ARHGEF28: variants seen among roughly 807,000 people sequenced by gnomAD.
The protein encoded by ARHGEF28 is 190 kDa guanine nucleotide exchange factor.
Under a neutral mutation model 206.6 loss-of-function variants are expected in ARHGEF28, and 152 were observed. The ratio of observed to expected loss-of-function variants is 0.74; its 90% CI spans 0.64 to 0.84. The LOEUF is 0.84. Ranked by LOEUF, ARHGEF28 falls within the 40% of genes least tolerant of loss-of-function variation. The probability of loss-of-function intolerance (pLI) is 0.00; values close to 1 mark genes in which losing one functional copy is unlikely to be tolerated. For synonymous variants in ARHGEF28, 763 were observed against 776.4 expected (o/e 0.98, Z 0.29); for missense variants, 2,028 against 2,073.2 (o/e 0.98, Z 0.42).
intron 28 of ARHGEF28, among the ~76,000 whole-genome samples, 177 bp from the exon 29 acceptor site, chr5:73,894,216 C>T (rs1761820300): frequency 6.6e-6 from 1 of 152,106 alleles, no homozygotes; most frequent in African/African-American, 2.4e-5. Context: ...TGCTGGAGGC[C>T]ACAGTCACTA....
At chr5:73,653,485 G>A (rs1296179486) in intron 1 of ARHGEF28, among the ~76,000 whole-genome samples, 1 of 152,124 alleles carries the variant, frequency 6.6e-6, no homozygotes, top group Non-Finnish European at 1.5e-5. Context: ...TCTTAACTTC[G>A]GGATGGAGAT....
chr5:73,807,402 C>G (rs1410293425), intron 9 of ARHGEF28, among the ~76,000 whole-genome samples: 2 of 151,880 alleles, frequency 1.3e-5, no homozygotes, highest in African/African-American at 4.8e-5. Context: ...TGTTGTTTGT[C>G]TGTTATTTTT....
intron 14 of ARHGEF28, among the ~76,000 whole-genome samples, chr5:73,854,526 C>G (rs1758895446): frequency 6.6e-6 from 1 of 152,120 alleles, no homozygotes; most frequent in Non-Finnish European, 1.5e-5. Context: ...ATCTGCATAG[C>G]AGGAACTTCT....
chr5:73,678,956 A>T (rs1271458696), intron 1 of ARHGEF28, among the ~76,000 whole-genome samples: 1 of 152,204 alleles, frequency 6.6e-6, no homozygotes, highest in Admixed American at 6.5e-5. Flanking sequence ...TGGCACGATC[A>T]TACCTCACTG....
At chr5:73,784,860 T>G (rs1754063661) in intron 7 of ARHGEF28, among the ~76,000 whole-genome samples, 1 of 152,218 alleles carries the variant, frequency 6.6e-6, no homozygotes, top group African/African-American at 2.4e-5. Context: ...ACTCTTGTGC[T>G]TTGGGGTCAT....
intron 2 of ARHGEF28, among the ~76,000 whole-genome samples, chr5:73,706,288 G>C (rs1748924379): frequency 1.3e-5 from 2 of 151,204 alleles, no homozygotes; most frequent in Admixed American, 1.3e-4. Flanking sequence ...AGGTTGCAGT[G>C]AGCCGAGATC....
chr5:73,685,357 A>G (rs1187109366), intron 2 of ARHGEF28, among the ~76,000 whole-genome samples: 1 of 152,142 alleles, frequency 6.6e-6, no homozygotes, highest in African/African-American at 2.4e-5. Flanking sequence ...TTGTACTTAG[A>G]TGTGCCATCT....
chr5:73,766,440 G>A (rs1438688022), intron 4 of ARHGEF28, among the ~76,000 whole-genome samples: 1 of 152,074 alleles, frequency 6.6e-6, no homozygotes, highest in Non-Finnish European at 1.5e-5. Flanking sequence ...AACTCTTTTT[G>A]TTGTTCTTTG....
chr5:73,781,719 G>A (rs971709162), intron 7 of ARHGEF28, among the ~76,000 whole-genome samples: 2 of 152,128 alleles, frequency 1.3e-5, no homozygotes, highest in African/African-American at 4.8e-5. Flanking sequence ...GGTATTTAGG[G>A]TAAAGGTTTT....
intron 1 of ARHGEF28, among the ~76,000 whole-genome samples, chr5:73,641,580 T>G (rs766731362): frequency 2.0e-5 from 3 of 152,194 alleles, no homozygotes; most frequent in Non-Finnish European, 2.9e-5. Flanking sequence ...TATGGCTTTT[T>G]AATATATTTT....
At chr5:73,921,661 A>G (rs1362413300) in intron 35 of ARHGEF28, among the ~76,000 whole-genome samples, 1 of 152,196 alleles carries the variant, frequency 6.6e-6, no homozygotes, top group Non-Finnish European at 1.5e-5. Flanking sequence ...CTCTTTTTGT[A>G]CAAGTTTTAT....
chr5:73,832,489 T>G, intron 10 of ARHGEF28, 30 bp downstream of exon 10: 1 of 1,601,724 alleles, frequency 6.2e-7, no homozygotes, highest in Non-Finnish European at 8.5e-7. Flanking sequence ...ACAGGATGAT[T>G]TCTACCTCTC....
intron 9 of ARHGEF28, among the ~76,000 whole-genome samples, chr5:73,810,096 G>A (rs1467298152): frequency 1.3e-5 from 2 of 152,168 alleles, no homozygotes; most frequent in African/African-American, 2.4e-5. Context: ...GAGCAAGGAG[G>A]TAAGCTGGCC....
chr5:73,935,387 T>C (rs903176269), intron 35 of ARHGEF28, among the ~76,000 whole-genome samples: 1 of 152,154 alleles, frequency 6.6e-6, no homozygotes, highest in Non-Finnish European at 1.5e-5. Context: ...AGATATAAAC[T>C]CCAGACTGGT....
At chr5:73,876,742 G>A (rs1478583782) in intron 22 of ARHGEF28, among the ~76,000 whole-genome samples, 1 of 150,652 alleles carries the variant, frequency 6.6e-6, no homozygotes, top group Non-Finnish European at 1.5e-5. Flanking sequence ...TGCGTATATT[G>A]AACCAGCCTT....
chr5:73,767,301 C>T (rs965974150), intron 4 of ARHGEF28, among the ~76,000 whole-genome samples: 1 of 152,072 alleles, frequency 6.6e-6, no homozygotes, highest in African/African-American at 2.4e-5. Context: ...GTGGAAGCAA[C>T]TTTGGAACTG....
intron 29 of ARHGEF28, among the ~76,000 whole-genome samples, chr5:73,896,348 G>T (rs1761958885): frequency 6.6e-6 from 1 of 152,194 alleles, no homozygotes; most frequent in Non-Finnish European, 1.5e-5. Flanking sequence ...GTCAGCGGGG[G>T]TCACCGTTAG....
chr5:73,681,669 G>A (rs949393569), intron 1 of ARHGEF28, among the ~76,000 whole-genome samples: 2 of 152,016 alleles, frequency 1.3e-5, no homozygotes, highest in African/African-American at 4.8e-5. Flanking sequence ...ACAAAAATTA[G>A]CTGGGCATGG....
chr5:73,775,745 G>A (rs1753505344), intron 5 of ARHGEF28, among the ~76,000 whole-genome samples: 1 of 152,158 alleles, frequency 6.6e-6, no homozygotes, highest in Non-Finnish European at 1.5e-5. Flanking sequence ...TCCCCTTGAG[G>A]TTTCTTTACT....
Sources: allele counts gnomAD v4.1 joint callset (sites outside exome capture counted in the v4.1 genomes callset), GRCh38; gene constraint gnomAD v4.1.1; transcripts MANE v1.5; gene names NCBI Gene and HGNC (gene_info 2026-07-23, HGNC 2026-07-21).